The following C2 variants were observed in gnomAD, a reference collection of about 807,000 sequenced individuals.
The protein encoded by C2 is C3/C5 convertase.
In C2, 64 loss-of-function variants were observed where a neutral mutation model predicts 85.2. The observed-to-expected ratio is 0.75, with a 90% CI of 0.61 to 0.92. The LOEUF (loss-of-function observed/expected upper bound fraction) is 0.92, where lower values mean the gene tolerates loss of function less well. Among genes scored for constraint, C2 ranks in the 40% least tolerant of loss-of-function variants. The pLI, the probability that C2 is intolerant of heterozygous loss-of-function variation, is 0.00. For missense variants in C2, 820 were observed against 971.6 expected, an observed-to-expected ratio of 0.84 and a Z score of 2.07; for synonymous variants, 311 against 370.8, an observed-to-expected ratio of 0.84 and a Z score of 1.85.
chr6:31,943,891 G>C lies in C2; in HGVS notation c.1734-26G>C. ...CTGGAAGAGATACTGGGGACAGGCT[G>C]GTGTGACCCTTGCTCTTCTCCCCAG... On this transcript the variant is annotated intron_variant, in intron 13 of 17. Coordinates refer to ENST00000299367, the MANE Select transcript of C2 (RefSeq NM_000063.6). This position sits in a 1 kb window ranked among gnomAD's most constrained non-coding sequence, Gnocchi z 6.4. 6.2e-7 allele frequency: 1 copy of C among 1,612,224 alleles called. No individual in the cohort carries two copies. The highest frequency in any genetic ancestry group is 8.5e-7 in the Non-Finnish European group (1 of 1,179,472).
chr6:31,933,695 C>T lies in C2; in HGVS notation c.528C>T (p.Arg176=), dbSNP rs771312293. The T allele has an allele frequency of 1.2e-6, 2 of 1,613,232 alleles. No individual in the cohort carries two copies. Among genetic ancestry groups the T allele is most frequent in the South Asian group, 2.2e-5 (2 of 91,092 alleles). ...GTCATGGGGACAAGGTCCGCTATCG[C>T]TGCTCCTCGAATCTTGTGCTCACGG... is the stretch of plus-strand genomic sequence containing the variant. ...RFGHGDKVRY[R]CSSNLVLTGS... is the part of the protein sequence containing the mutation. The change falls in exon 4 of 18, where the codon CGC becomes CGT. Residue 176 remains arginine (R), a synonymous_variant. Transcript: ENST00000299367.
Position 31,928,808 on chromosome 6 carries a change from C to A in C2, c.333C>A (p.Gly111=). The change falls in exon 3 of 18, where the codon GGC becomes GGA. Residue 111 remains glycine, a synonymous_variant. Coordinates refer to ENST00000299367, the MANE Select transcript of C2 (RefSeq NM_000063.6). ...GGCTGGGGTCCTATCCCGTGGGTGG[C>A]AATGTGAGCTTCGAGTGTGAGGATG... is the stretch of plus-strand genomic sequence containing the variant. The part of the protein sequence containing the change: ...TPRLGSYPVG[G]NVSFECEDGF... 1.2e-6 allele frequency: 2 copies of A among 1,614,208 alleles called. No homozygotes were observed. Among genetic ancestry groups the A allele is most frequent in the Non-Finnish European group, 1.7e-6 (2 of 1,180,026 alleles).
chr6:31,921,050 C>T lies in C2; in HGVS notation c.-100+1024C>T, dbSNP rs142763733. 2.5e-3 allele frequency among the ~76,000 whole-genome samples: 378 copies of T among 152,262 alleles called. 3 individuals carry two copies. Among genetic ancestry groups the T allele is most frequent in the East Asian group, 5.8e-3 (30 of 5,184 alleles). ...CAAGATCATAGTTGGGCAATCACTT[C>T]AAAGTTAGTAGGCAGTGCCTGCTAG... On this transcript the variant is annotated intron_variant, in intron 1 of 3. Transcript: ENST00000413154. The surrounding 1 kb of genome is among the most constrained non-coding windows in gnomAD (Gnocchi z 4.6).
rs934743561 is a variant in C2, at chr6:31,921,098, G to A, written c.-100+1072G>A. 1.3e-5 allele frequency among the ~76,000 whole-genome samples: 2 copies of A among 152,172 alleles called. No individual in the cohort carries two copies. The highest frequency in any genetic ancestry group is 1.9e-4 in the East Asian group (1 of 5,192). On this transcript the variant is annotated intron_variant, in intron 1 of 3. Coordinates refer to the C2 transcript ENST00000413154. The surrounding 1 kb of genome is among the most constrained non-coding windows in gnomAD (Gnocchi z 4.6). ...TAGGATGGGGGATGGTGTGTGTACCGAGGAACTTAGCAGAGGCCTTTGTGT... is the reference window on the plus strand; with the variant it reads ...TAGGATGGGGGATGGTGTGTGTACCAAGGAACTTAGCAGAGGCCTTTGTGT...
At position 31,944,393 on chromosome 6, in the gene C2, T is replaced by C. The variant is rs1771176214; in HGVS notation, c.1902+167T>C. On this transcript the variant is annotated intron_variant, in intron 15 of 17. Coordinates refer to ENST00000299367, the MANE Select transcript of C2 (RefSeq NM_000063.6). This position sits in a 1 kb window ranked among gnomAD's most constrained non-coding sequence, Gnocchi z 5.1. ...CTGGGTCTGCTTATTCTTTTTTTGT[T>C]GTTATTGAGATGGAGTCTTGCTCTG... Among the ~76,000 whole-genome samples the C allele has an allele frequency of 6.6e-6, 1 of 152,018 alleles. No homozygotes were observed. The highest frequency in any genetic ancestry group is 2.1e-4 in the South Asian group (1 of 4,814).
chr6:31,902,378 GCCCCGCCCGCGCCGCATCC>G (rs1767411350), intron 1 of C2, among the ~76,000 whole-genome samples: 1 of 151,578 alleles, frequency 6.6e-6, no homozygotes, highest in African/African-American at 2.4e-5. Context: ...GCGTCCCCGC[GCCCCGCCCGCGCCGCATCC>G]CGCAGCGCGC....
chr6:31,900,922 C>G (rs1362657365), upstream of C2: 6 of 1,614,202 alleles, frequency 3.7e-6, no homozygotes, highest in Admixed American at 1.7e-5. The surrounding 1 kb of genome is among the most constrained non-coding windows in gnomAD (Gnocchi z 9.7). Context: ...CTATTTTGGG[C>G]TCAATGAACT....
intron 1 of C2, among the ~76,000 whole-genome samples, chr6:31,907,140 T>TAAAA (rs3037250): frequency 2.1e-5 from 3 of 139,684 alleles, no homozygotes; most frequent in African/African-American, 7.9e-5. Context: ...AACTCTGTCT[T>TAAAA]AAAAAAAAAA....
chr6:31,914,286 T>C (rs745834135), intron 1 of C2, among the ~76,000 whole-genome samples: 12 of 151,628 alleles, frequency 7.9e-5, no homozygotes, highest in Non-Finnish European at 7.4e-5. Context: ...GCCTCAAGAC[T>C]GTCACATAGA....
At chr6:31,901,119 G>A in exon 1 of C2, 2 of 1,614,058 alleles carry the variant, frequency 1.2e-6, no homozygotes, top group Non-Finnish European at 1.7e-6. Flanking sequence ...GGGTTCAGCA[G>A]GAACTGGTCC....
At chr6:31,902,425 C>T (rs906270960) in intron 1 of C2, among the ~76,000 whole-genome samples, 9 of 152,070 alleles carry the variant, frequency 5.9e-5, no homozygotes, top group Non-Finnish European at 8.8e-5. Flanking sequence ...CCCGTTCTCT[C>T]GGCTGCGGGC....
chr6:31,945,489 CAG>C lies in C2; in HGVS notation c.*135_*136del. On this transcript the variant is annotated 3_prime_UTR_variant, in exon 18 of 18. Transcript: ENST00000299367. This position sits in a 1 kb window ranked among gnomAD's most constrained non-coding sequence, Gnocchi z 5.3. ...GAGTAAATCCGGGTCTCTAGGATGC[CAG>C]AGGCAGCGCACACAAGCTGGGAAAT... The C allele has an allele frequency of 1.1e-6, 1 of 889,712 alleles. No homozygotes were observed. Among genetic ancestry groups the C allele is most frequent in the South Asian group, 1.4e-5 (1 of 71,826 alleles). 55.1% of individuals were successfully genotyped at this position (889,712 alleles called of 1,614,324 possible). A position where few individuals can be genotyped will look rare whatever the true frequency, so the allele number is the denominator to read the frequency against.
chr6:31,921,141 G>A lies in C2; in HGVS notation c.-100+1115G>A, dbSNP rs1582050769. On this transcript the variant is annotated intron_variant, in intron 1 of 3. Coordinates refer to the C2 transcript ENST00000413154. This position sits in a 1 kb window ranked among gnomAD's most constrained non-coding sequence, Gnocchi z 4.6. ...CTTTGTGTGGAAATGGGTGGGGTCT[G>A]ACCCAATGTAAATATTTTTATTAAA... is the stretch of plus-strand genomic sequence containing the variant. Among the ~76,000 whole-genome samples the A allele has an allele frequency of 6.6e-6, 1 of 152,144 alleles. No individual in the cohort carries two copies. Among genetic ancestry groups the A allele is most frequent in the East Asian group, 1.9e-4 (1 of 5,196 alleles).
intron 8 of C2, among the ~76,000 whole-genome samples, chr6:31,938,366 G>A (rs1418345709): frequency 6.6e-6 from 1 of 151,596 alleles, no homozygotes; most frequent in Non-Finnish European, 1.5e-5. Flanking sequence ...GGTTTCATGA[G>A]AATTAAATGA....
rs41267102 is a variant in C2, at chr6:31,943,392, T to C, written c.1456-24T>C. 386 of 1,611,122 alleles carry C rather than the reference T, an allele frequency of 2.4e-4. No homozygotes were observed. Among genetic ancestry groups the C allele is most frequent in the Non-Finnish European group, 3.1e-4 (364 of 1,178,288 alleles). ...CATGGGCCAGACATACTGCAATCTC[T>C]GAAAATCACCTGTTCCCCTGCAGCC... On this transcript the variant is annotated intron_variant, in intron 11 of 17. Transcript: ENST00000299367. The surrounding 1 kb of genome is among the most constrained non-coding windows in gnomAD (Gnocchi z 6.4).
At position 31,931,882 on chromosome 6, in the gene C2, C is replaced by T. The variant is rs571024939; in HGVS notation, c.443-1728C>T. ...TCACCTCCCGGACAGGGCGGCTGGC[C>T]GGGCGGGGGGCTGACCCCCCCACCT... On this transcript the variant is annotated intron_variant, in intron 3 of 17. Coordinates refer to ENST00000299367, the MANE Select transcript of C2 (RefSeq NM_000063.6). Among the ~76,000 whole-genome samples the T allele has an allele frequency of 4.7e-5, 7 of 148,724 alleles. No homozygotes were observed. The East Asian group carries it at 6.2e-4, about 13-fold the overall frequency.
upstream of C2, among the ~76,000 whole-genome samples, chr6:31,923,028 T>C (rs1236907277): frequency 6.6e-6 from 1 of 152,142 alleles, no homozygotes; most frequent in African/African-American, 2.4e-5. Context: ...ATGTCTGTTT[T>C]TTAGATATTA....
intron 7 of C2, chr6:31,936,511 C>CTTT (rs548102461): frequency 4.4e-5 from 8 of 179,816 alleles, no homozygotes; most frequent in East Asian, 1.4e-4. Context: ...TTTTCTTCTT[C>CTTT]TTTTTTTTTT....
upstream of C2, among the ~76,000 whole-genome samples, chr6:31,898,960 G>GTCT (rs1195646506): frequency 2.0e-5 from 3 of 152,068 alleles, no homozygotes; most frequent in African/African-American, 7.2e-5. Context: ...GGCTCCTTCA[G>GTCT]GCAAGGGATA....
Sources: gnomAD v4.1 joint callset for allele counts (sites outside exome capture counted in the v4.1 genomes callset) on GRCh38, gnomAD v4.1.1 for gene constraint, Gnocchi (gnomAD v3.1) non-coding constraint, MANE v1.5 for transcripts, NCBI Gene and HGNC (gene_info 2026-07-23, HGNC 2026-07-21) for gene names.